The following ASTN2 variants were observed in gnomAD, a reference collection of about 807,000 sequenced individuals.
ASTN2 encodes the protein astrotactin-2.
In ASTN2, 54 loss-of-function variants were observed where a neutral mutation model predicts 139.8. That is an observed-to-expected ratio of 0.39 (90% CI 0.31 to 0.48). The LOEUF is 0.48. Ranked by LOEUF, ASTN2 falls within the 20% of genes least tolerant of loss-of-function variation. ASTN2 has a pLI of 0.95. For synonymous variants in ASTN2, 756 were observed against 719.5 expected (o/e 1.05, Z -0.81); for missense variants, 1,565 against 1,725.1 (o/e 0.91, Z 1.64).
intron 11 of ASTN2, among the ~76,000 whole-genome samples, chr9:116,862,956 C>T (rs1453758889): frequency 6.6e-6 from 1 of 152,052 alleles, no homozygotes; most frequent in Non-Finnish European, 1.5e-5. Flanking sequence ...TTTTGGCACA[C>T]CCTTCTAAAG....
intron 2 of ASTN2, 127 bp from the exon 3 acceptor site, chr9:117,214,869 C>G (rs2133023076): frequency 8.8e-7 from 1 of 1,136,256 alleles, no homozygotes; most frequent in Non-Finnish European, 1.1e-6. Flanking sequence ...TCAGGAACCA[C>G]CAGCCGTGGT....
rs146051675 is a variant in ASTN2 at position 116,725,779 on chromosome 9, T to A, written c.2798A>T (p.Tyr933Phe). The A allele has an allele frequency of 6.2e-7, 1 of 1,613,274 alleles. No individual in the cohort carries two copies. The highest frequency in any genetic ancestry group is 8.5e-7 in the Non-Finnish European group (1 of 1,179,888). Residue 933 changes from tyrosine to phenylalanine, a missense_variant, in exon 16 of 23, where the codon TAT becomes TTT. By Grantham distance (22) the Tyr-to-Phe change is conservative. This residue lies in a region of ASTN2 where 48 missense variants were observed against 90.7 expected (regional missense o/e 0.53). Coordinates refer to ENST00000313400, the MANE Select transcript of ASTN2 (RefSeq NM_001365068.1). Reference protein sequence around the residue: ...KKVQQQLWLQYQKETTELGSK... With the variant: ...KKVQQQLWLQFQKETTELGSK... ...AGGCACTCCGGGCTTACCTTTCTGA[T>A]ACTGGAGCCACAGCTGCTGCTGGAC... is the stretch of plus-strand genomic sequence containing the variant.
intron 1 of ASTN2, among the ~76,000 whole-genome samples, chr9:117,377,325 T>C (rs1830149638): frequency 6.6e-6 from 1 of 152,178 alleles, no homozygotes; most frequent in Non-Finnish European, 1.5e-5. Flanking sequence ...AAAACCCTGT[T>C]TTGGAAGCTA....
At chr9:116,533,203 T>C (rs1335324542) in intron 19 of ASTN2, among the ~76,000 whole-genome samples, 2 of 152,240 alleles carry the variant, frequency 1.3e-5, no homozygotes, top group East Asian at 1.9e-4. Flanking sequence ...TTTTTGCACA[T>C]TGATTTTGTA....
At chr9:117,409,929 CTCCTTCT>C (rs1831115391) in intron 1 of ASTN2, among the ~76,000 whole-genome samples, 5 of 152,180 alleles carry the variant, frequency 3.3e-5, no homozygotes, top group Admixed American at 3.3e-4. Context: ...CCGTATCTTC[CTCCTTCT>C]TCCAGGCCAT....
intron 3 of ASTN2, among the ~76,000 whole-genome samples, chr9:117,163,946 G>A (rs1204203723): frequency 1.3e-5 from 2 of 152,036 alleles, no homozygotes; most frequent in African/African-American, 2.4e-5. Flanking sequence ...GACCAGCATA[G>A]TGCCTGGCAT....
intron 6 of ASTN2, among the ~76,000 whole-genome samples, chr9:117,034,263 A>C (rs1838323335): frequency 6.6e-6 from 1 of 152,200 alleles, no homozygotes; most frequent in South Asian, 2.1e-4. Flanking sequence ...ATAAACTAGC[A>C]TCTCAGCTAA....
At chr9:116,951,335 CTCAAAAAAAAAAAAAAAAAA>C (rs1835553591) in intron 10 of ASTN2, among the ~76,000 whole-genome samples, 1 of 20,904 alleles carries the variant, frequency 4.8e-5, no homozygotes, top group Non-Finnish European at 1.0e-4. Context: ...GAAACTCTGT[CTCAAAAAAAAAAAAAAAAAA>C]AAAAAAAAAA....
rs200018539 is a variant in ASTN2, at chr9:116,639,900, CT to C, written c.3072+11627del. On this transcript the variant is annotated intron_variant, in intron 17 of 22. Transcript: ENST00000313400. ...AAGAGTGTCAGTGCAAGCTGGTGAC[CT>C]TTTTTTCACTCATTCATTCAATCAT... Among the ~76,000 whole-genome samples, 797 of 152,012 alleles carry C rather than the reference CT, an allele frequency of 5.2e-3. 5 individuals are homozygous for C. Among genetic ancestry groups the C allele is most frequent in the African/African-American group, 0.018 (763 of 41,450 alleles).
chr9:116,906,870 A>G (rs1834175621), intron 10 of ASTN2, among the ~76,000 whole-genome samples: 1 of 152,152 alleles, frequency 6.6e-6, no homozygotes, highest in Non-Finnish European at 1.5e-5. Context: ...AGAGTTTTAT[A>G]TTATTATCAA....
intron 19 of ASTN2, among the ~76,000 whole-genome samples, chr9:116,607,402 T>TA (rs1328931303): frequency 4.6e-5 from 7 of 152,158 alleles, no homozygotes; most frequent in South Asian, 2.1e-4. Context: ...AAACAAAGGT[T>TA]AAAAAATCCC....
Position 116,829,215 on chromosome 9 carries a change from A to T in ASTN2, c.2041-8432T>A, listed in dbSNP as rs561280465. Among the ~76,000 whole-genome samples the T allele has an allele frequency of 1.8e-4, 28 of 152,006 alleles. No individual in the cohort carries two copies. The South Asian group carries it at 5.6e-3, about 31-fold the overall frequency. ...CAAATAACCAAAGCAATCTCAAGCA[A>T]AATGAACGAAGCTAGAAAATCACAT... is the stretch of plus-strand genomic sequence containing the variant. On this transcript the variant is annotated intron_variant, in intron 11 of 22. Transcript: ENST00000313400.
chr9:117,108,061 T>G (rs1829151488), intron 4 of ASTN2, among the ~76,000 whole-genome samples: 1 of 152,206 alleles, frequency 6.6e-6, no homozygotes, highest in Non-Finnish European at 1.5e-5. Context: ...TTATGTATGG[T>G]ACAATCATTG....
chr9:117,311,651 C>CA (rs1194986379), intron 1 of ASTN2, among the ~76,000 whole-genome samples: 7 of 151,672 alleles, frequency 4.6e-5, no homozygotes, highest in African/African-American at 7.3e-5. Context: ...ATTCACTCTC[C>CA]AAAAAAAACC....
chr9:117,367,204 C>A (rs1161127717), intron 1 of ASTN2, among the ~76,000 whole-genome samples: 3 of 152,168 alleles, frequency 2.0e-5, no homozygotes, highest in African/African-American at 4.8e-5. Flanking sequence ...CAGAAGTGAA[C>A]TACAACAAAA....
At chr9:117,256,627 G>A (rs1380521821) in intron 2 of ASTN2, among the ~76,000 whole-genome samples, 1 of 151,958 alleles carries the variant, frequency 6.6e-6, no homozygotes, top group Non-Finnish European at 1.5e-5. Flanking sequence ...ATCAAATAAT[G>A]GAAAATCTAG....
At chr9:117,016,659 CTATATATATGTTACATATATATAGGTTA>C (rs1564386104) in intron 6 of ASTN2, among the ~76,000 whole-genome samples, 51 of 11,960 alleles carry the variant, frequency 4.3e-3, no homozygotes, top group Non-Finnish European at 5.8e-3. Flanking sequence ...TATATATAAC[CTATATATATGTTACATATATATAGGTTA>C]TATATATATG....
intron 5 of ASTN2, among the ~76,000 whole-genome samples, chr9:117,086,714 C>G (rs1828572228): frequency 6.6e-6 from 1 of 152,164 alleles, no homozygotes; most frequent in Non-Finnish European, 1.5e-5. Context: ...TTCACTTCTC[C>G]CGGCTTTCCC....
chr9:116,733,271 A>T, intron 14 of ASTN2, 128 bp downstream of exon 14: 1 of 1,325,390 alleles, frequency 7.5e-7, no homozygotes, highest in South Asian at 1.4e-5. Flanking sequence ...TCCTTCCCAT[A>T]CCCTTCCTCA....
Sources: gnomAD v4.1 joint callset for allele counts (sites outside exome capture counted in the v4.1 genomes callset) on GRCh38, gnomAD v4.1.1 for gene constraint, gnomAD v4.1.1 regional missense constraint, MANE v1.5 for transcripts, NCBI Gene and HGNC (gene_info 2026-07-23, HGNC 2026-07-21) for gene names.